Variants in SPRING1 observed in about 807,000 individuals in gnomAD.
SPRING1 encodes SREBP regulating gene protein.
SPRING1 carries 14 observed loss-of-function variants against 24.7 expected under a neutral mutation model. That is an observed-to-expected ratio of 0.57 (90% CI 0.37 to 0.88). The LOEUF is 0.88. Ranked by LOEUF, SPRING1 falls within the 40% of genes least tolerant of loss-of-function variation. The probability of loss-of-function intolerance (pLI) is 0.00; values close to 1 mark genes in which losing one functional copy is unlikely to be tolerated. For synonymous variants in SPRING1, 93 were observed against 106.1 expected (o/e 0.88, Z 0.76); for missense variants, 255 against 268.4 (o/e 0.95, Z 0.35).
At chr12:116,736,293 C>G (rs1316591814) in intron 1 of SPRING1, among the ~76,000 whole-genome samples, 1 of 152,102 alleles carries the variant, frequency 6.6e-6, no homozygotes, top group African/African-American at 2.4e-5. Context: ...AGGACGGAGT[C>G]CTGGCGCACC....
chr12:116,735,030 C>T (rs1871156474), intron 1 of SPRING1, among the ~76,000 whole-genome samples: 1 of 152,186 alleles, frequency 6.6e-6, no homozygotes, highest in Non-Finnish European at 1.5e-5. Flanking sequence ...ATGCCAGTGG[C>T]TTGGCCTAGA....
At chr12:116,734,941 C>A (rs1246751998) in intron 1 of SPRING1, among the ~76,000 whole-genome samples, 1 of 152,092 alleles carries the variant, frequency 6.6e-6, no homozygotes, top group Non-Finnish European at 1.5e-5. Flanking sequence ...AGATTATCAC[C>A]CCTACTGCGG....
rs1869883943 is a variant in SPRING1, at chr12:116,711,804, C to T, written c.*6006G>A. 6.6e-6 allele frequency: 1 copy of T among 152,528 alleles called. No individual in the cohort carries two copies. Among genetic ancestry groups the T allele is most frequent in the Non-Finnish European group, 1.5e-5 (1 of 68,486 alleles). The allele number at this position is 152,528 out of a possible 1,614,324, so 9.4% of individuals were successfully genotyped here. A position where few individuals can be genotyped will look rare whatever the true frequency, so the allele number is the denominator to read the frequency against. Reference sequence around the variant, plus strand: ...TCCTTTTTTTTATTTTTTGTAGAGACAGGGTCTCCCTATGTTGCTCAGGCT... The same window carrying T: ...TCCTTTTTTTTATTTTTTGTAGAGATAGGGTCTCCCTATGTTGCTCAGGCT... On this transcript the variant is annotated 3_prime_UTR_variant, in exon 5 of 5. Coordinates refer to ENST00000261318, the MANE Select transcript of SPRING1 (RefSeq NM_024738.4).
chr12:116,732,745 C>T (rs1445284816), intron 1 of SPRING1, among the ~76,000 whole-genome samples: 1 of 152,092 alleles, frequency 6.6e-6, no homozygotes, highest in African/African-American at 2.4e-5. Context: ...CAATAAAAAC[C>T]ATGCAAGCAA....
At position 116,716,730 on chromosome 12, in the gene SPRING1, G is replaced by A. The variant is rs1002781942; in HGVS notation, c.*1080C>T. ...ACTCTTCTCTTGCAGTGCTCTGATAGAAAGCTGGGTTTCTTCTTCTTCTCT... is the reference window on the plus strand; with the variant it reads ...ACTCTTCTCTTGCAGTGCTCTGATAAAAAGCTGGGTTTCTTCTTCTTCTCT... On this transcript the variant is annotated 3_prime_UTR_variant, in exon 5 of 5. Coordinates refer to ENST00000261318, the MANE Select transcript of SPRING1 (RefSeq NM_024738.4). 6.6e-6 allele frequency: 1 copy of A among 152,220 alleles called. No individual in the cohort carries two copies. The highest frequency in any genetic ancestry group is 1.5e-5 in the Non-Finnish European group (1 of 68,048). 9.4% of individuals were successfully genotyped at this position (152,220 alleles called of 1,614,324 possible). A position where few individuals can be genotyped will look rare whatever the true frequency, so the allele number is the denominator to read the frequency against.
intron 1 of SPRING1, among the ~76,000 whole-genome samples, chr12:116,726,739 C>T (rs764426752): frequency 1.6e-4 from 25 of 152,152 alleles, no homozygotes; most frequent in Non-Finnish European, 2.5e-4. Flanking sequence ...AATTAATAGC[C>T]ATAAAGATTA....
At chr12:116,719,921 GCACAAGGTGA>G in intron 3 of SPRING1, 45 bp from the exon 4 acceptor site, 1 of 1,518,808 alleles carries the variant, frequency 6.6e-7, no homozygotes, top group Non-Finnish European at 9.1e-7. Context: ...ACCTAAGCCA[GCACAAGGTGA>G]CCTTGGCTAT....
At position 116,710,486 on chromosome 12, in the gene SPRING1, G is replaced by A. The variant is rs1869824229; in HGVS notation, c.*7324C>T. ...AGGTGAAGCACACCTAAATAATTGAGCACTGCATTAAGGCTCAGAAACGTA... is the reference window on the plus strand; with the variant it reads ...AGGTGAAGCACACCTAAATAATTGAACACTGCATTAAGGCTCAGAAACGTA... On this transcript the variant is annotated 3_prime_UTR_variant, in exon 5 of 5. Coordinates refer to ENST00000261318, the MANE Select transcript of SPRING1 (RefSeq NM_024738.4). 6.6e-6 allele frequency: 1 copy of A among 152,342 alleles called. No individual in the cohort carries two copies. The highest frequency in any genetic ancestry group is 2.1e-4 in the South Asian group (1 of 4,826). The allele number at this position is 152,342 out of a possible 1,614,324, so 9.4% of individuals were successfully genotyped here.
rs1329460760 is a variant in SPRING1 at position 116,720,069 on chromosome 12, T to C, written c.421-193A>G. On this transcript the variant is annotated intron_variant, in intron 3 of 4. Transcript: ENST00000261318. This position sits in a 1 kb window ranked among gnomAD's most constrained non-coding sequence, Gnocchi z 4.0. ...CACCCTGGGTATCTTATTCATTAGATATGTGATTAGCAATACAATGATCCA... is the reference window on the plus strand; with the variant it reads ...CACCCTGGGTATCTTATTCATTAGACATGTGATTAGCAATACAATGATCCA... 3 of 716,906 alleles carry C rather than the reference T, an allele frequency of 4.2e-6. No homozygotes were observed. The highest frequency in any genetic ancestry group is 6.8e-6 in the Non-Finnish European group (3 of 439,222). 44.4% of individuals were successfully genotyped at this position (716,906 alleles called of 1,614,324 possible). A position where few individuals can be genotyped will look rare whatever the true frequency, so the allele number is the denominator to read the frequency against.
intron 2 of SPRING1, among the ~76,000 whole-genome samples, chr12:116,722,399 T>A (rs1282036209): frequency 1.3e-5 from 2 of 152,208 alleles, no homozygotes; most frequent in Non-Finnish European, 2.9e-5. Context: ...GAGTGTAAGA[T>A]TTCATGTTTT....
In SPRING1 at chr12:116,720,134, C is replaced by G. The variant is rs1870353028; in HGVS notation, c.420+162G>C. ...CATTCAAGCAACTGGGAACCACCTCCTTTCCTTAGATAAAAGCTATTGTGC... is the reference window on the plus strand; with the variant it reads ...CATTCAAGCAACTGGGAACCACCTCGTTTCCTTAGATAAAAGCTATTGTGC... On this transcript the variant is annotated intron_variant, in intron 3 of 4. Transcript: ENST00000261318. The surrounding 1 kb of genome is among the most constrained non-coding windows in gnomAD (Gnocchi z 4.0). The G allele has an allele frequency of 1.0e-6, 1 of 959,966 alleles. No homozygotes were observed. 59.5% of individuals were successfully genotyped at this position (959,966 alleles called of 1,614,324 possible). A position where few individuals can be genotyped will look rare whatever the true frequency, so the allele number is the denominator to read the frequency against.
chr12:116,710,487 C>CACTGCATT lies in SPRING1; in HGVS notation c.*7315_*7322dup, dbSNP rs1429721121. ...GGTGAAGCACACCTAAATAATTGAGCACTGCATTAAGGCTCAGAAACGTAG... is the reference window on the plus strand; with the variant it reads ...GGTGAAGCACACCTAAATAATTGAGCACTGCATTACTGCATTAAGGCTCAGAAACGTAG... On this transcript the variant is annotated 3_prime_UTR_variant, in exon 5 of 5. Transcript: ENST00000261318. 6 of 152,216 alleles carry CACTGCATT rather than the reference C, an allele frequency of 3.9e-5. No homozygotes were observed. The highest frequency in any genetic ancestry group is 4.4e-5 in the Non-Finnish European group (3 of 68,038). The allele number at this position is 152,216 out of a possible 1,614,324, so 9.4% of individuals were successfully genotyped here.
Position 116,720,396 on chromosome 12 carries a change from T to G in SPRING1, c.320A>C (p.Asn107Thr). The G allele has an allele frequency of 6.2e-7, 1 of 1,614,172 alleles. No homozygotes were observed. Among genetic ancestry groups the G allele is most frequent in the Non-Finnish European group, 8.5e-7 (1 of 1,180,022 alleles). The change falls in exon 3 of 5, where the codon AAC becomes ACC. Residue 107 changes from asparagine (N) to threonine (T), a missense_variant. Asn to Thr is a moderately conservative substitution (Grantham distance 65). Transcript: ENST00000261318. This position sits in a 1 kb window ranked among gnomAD's most constrained non-coding sequence, Gnocchi z 4.0. ...DLLVNGCCNV[N>T]VPSTKQYCCD... ...GCAGTACTGCTTCGTGCTAGGGACG[T>G]TGACATTACAGCAGCCATTTACCAG...
rs1378733149 is a variant in SPRING1 at position 116,738,041 on chromosome 12, C to T, written c.-141G>A. The T allele has an allele frequency of 1.8e-6, 2 of 1,094,364 alleles. No individual in the cohort carries two copies. Among genetic ancestry groups the T allele is most frequent in the Non-Finnish European group, 2.2e-6 (2 of 901,316 alleles). The allele number at this position is 1,094,364 out of a possible 1,614,324, so 67.8% of individuals were successfully genotyped here. ...CGCCGCCCGCAGCCCAGTCTGCTCC[C>T]GGCAGCCTTGGGCGCAGCCCCACGT... On this transcript the variant is annotated 5_prime_UTR_variant, in exon 1 of 5. Coordinates refer to ENST00000261318, the MANE Select transcript of SPRING1 (RefSeq NM_024738.4).
chr12:116,710,956 TC>T lies in SPRING1; in HGVS notation c.*6853del, dbSNP rs1246738579. 1 of 151,808 alleles carries T rather than the reference TC, an allele frequency of 6.6e-6. No individual in the cohort carries two copies. The highest frequency in any genetic ancestry group is 2.4e-5 in the African/African-American group (1 of 41,304). The allele number at this position is 151,808 out of a possible 1,614,324, so 9.4% of individuals were successfully genotyped here. ...TACTCAAGGTCATTAAGGTCAGTGC[TC>T]TTGTCAATAAAATTAGGATATTGCT... On this transcript the variant is annotated 3_prime_UTR_variant, in exon 5 of 5. Coordinates refer to ENST00000261318, the MANE Select transcript of SPRING1 (RefSeq NM_024738.4).
intron 1 of SPRING1, among the ~76,000 whole-genome samples, chr12:116,736,835 G>A (rs1049183088): frequency 6.6e-6 from 1 of 152,080 alleles, no homozygotes; most frequent in African/African-American, 2.4e-5. Flanking sequence ...TGGAGGGGTG[G>A]AATTCTACCA....
chr12:116,730,102 G>C (rs1870902390), intron 1 of SPRING1, among the ~76,000 whole-genome samples: 1 of 151,710 alleles, frequency 6.6e-6, no homozygotes, highest in African/African-American at 2.4e-5. Flanking sequence ...GGGTTTCACT[G>C]TGTTAGCCAG....
In SPRING1 at chr12:116,714,617, A is replaced by T. The variant is rs138498629; in HGVS notation, c.*3193T>A. ...GTGACCAGCCTGGCCAACATGGTGA[A>T]ACCCCGTCTCTACTAAAAGTACAAA... On this transcript the variant is annotated 3_prime_UTR_variant, in exon 5 of 5. Transcript: ENST00000261318. The T allele has an allele frequency of 6.6e-6, 1 of 152,324 alleles. No individual in the cohort carries two copies. Among genetic ancestry groups the T allele is most frequent in the Non-Finnish European group, 1.5e-5 (1 of 68,134 alleles). 9.4% of individuals were successfully genotyped at this position (152,324 alleles called of 1,614,324 possible).
intron 1 of SPRING1, among the ~76,000 whole-genome samples, chr12:116,730,694 G>A (rs548842796): frequency 2.6e-5 from 4 of 151,628 alleles, no homozygotes; most frequent in Admixed American, 6.6e-5. Flanking sequence ...CAGATCTTAC[G>A]CAGATCTTCT....
Sources: gnomAD v4.1 joint callset for allele counts (sites outside exome capture counted in the v4.1 genomes callset) on GRCh38, gnomAD v4.1.1 for gene constraint, Gnocchi (gnomAD v3.1) non-coding constraint, MANE v1.5 for transcripts, NCBI Gene and HGNC (gene_info 2026-07-23, HGNC 2026-07-21) for gene names.